IFT74: variants seen among roughly 807,000 people sequenced by gnomAD.
IFT74 encodes intraflagellar transport protein 74 homolog.
A neutral mutation model predicts 96.7 loss-of-function variants in IFT74; 92 were observed. That is an observed-to-expected ratio of 0.95 (90% CI 0.80 to 1.13). The LOEUF (loss-of-function observed/expected upper bound fraction) is 1.13, where lower values mean the gene tolerates loss of function less well. Among genes scored for constraint, IFT74 ranks in the 50% most tolerant of loss-of-function variants. IFT74 has a pLI of 0.00. For missense variants in IFT74, 811 were observed against 698.2 expected (o/e 1.16, Z -1.82); for synonymous variants, 223 against 213.2 (o/e 1.05, Z -0.40).
At chr9:26,981,097 T>C (rs1467500149) in intron 4 of IFT74, among the ~76,000 whole-genome samples, 1 of 152,174 alleles carries the variant, frequency 6.6e-6, no homozygotes, top group Non-Finnish European at 1.5e-5. Context: ...TCAACCCTTT[T>C]CTAAGGCACT....
intron 8 of IFT74, among the ~76,000 whole-genome samples, chr9:27,006,799 G>A (rs571909244): frequency 7.0e-6 from 1 of 142,414 alleles, no homozygotes; most frequent in South Asian, 2.3e-4. Context: ...ATTCTATTGA[G>A]TTTCAACGTT....
chr9:27,039,944 A>C (rs1042528621), intron 13 of IFT74, among the ~76,000 whole-genome samples: 2 of 152,208 alleles, frequency 1.3e-5, no homozygotes, highest in Non-Finnish European at 2.9e-5. Flanking sequence ...AAAAAGATGG[A>C]ATTTTATAGG....
intron 8 of IFT74, chr9:26,997,953 T>C: frequency 1.2e-6 from 2 of 1,613,928 alleles, no homozygotes; most frequent in Non-Finnish European, 1.7e-6. Flanking sequence ...TATAACTGTT[T>C]TAGTTTATTT....
chr9:27,063,899 AG>A lies in IFT74; in HGVS notation c.*1165del, dbSNP rs779153529. On this transcript the variant is annotated 3_prime_UTR_variant, in exon 20 of 20. Coordinates refer to ENST00000380062, the MANE Select transcript of IFT74 (RefSeq NM_025103.4). ...GGCTGAAGATCCTGGACATTCATTA[AG>A]GTAGCATTCATAAAATGTGTTCCAT... Among the ~76,000 whole-genome samples, 5 of 152,136 alleles carry A rather than the reference AG, an allele frequency of 3.3e-5. No individual in the cohort carries two copies. The highest frequency in any genetic ancestry group is 5.9e-5 in the Non-Finnish European group (4 of 67,972).
upstream of IFT74, among the ~76,000 whole-genome samples, chr9:26,954,011 C>A (rs1378354293): frequency 6.6e-6 from 1 of 152,198 alleles, no homozygotes; most frequent in East Asian, 1.9e-4. Context: ...CTCCCTCATT[C>A]TCCCTTTAAA....
intron 4 of IFT74, among the ~76,000 whole-genome samples, chr9:26,981,801 T>C (rs1827388972): frequency 6.6e-6 from 1 of 150,608 alleles, no homozygotes; most frequent in South Asian, 2.1e-4. Flanking sequence ...AGAGTCTCAC[T>C]CTGTCGCCCA....
intron 14 of IFT74, 52 bp downstream of exon 14, chr9:27,044,847 C>T: frequency 9.4e-7 from 1 of 1,061,040 alleles, no homozygotes; most frequent in Non-Finnish European, 1.4e-6. Flanking sequence ...GATTGCTGTT[C>T]ATTTATACCA....
At chr9:27,037,994 T>C (rs1292372436) in intron 13 of IFT74, among the ~76,000 whole-genome samples, 1 of 152,236 alleles carries the variant, frequency 6.6e-6, no homozygotes, top group Non-Finnish European at 1.5e-5. Flanking sequence ...AGCCATTTGA[T>C]CGAGGCATCA....
chr9:26,993,822 C>T (rs987893306), intron 8 of IFT74: 9 of 152,020 alleles, frequency 5.9e-5, no homozygotes, highest in African/African-American at 1.7e-4. Context: ...TTCCATTCCA[C>T]GTGTTATAAT....
At chr9:27,028,927 G>A (rs921025676) in intron 12 of IFT74, 98 bp from the exon 13 acceptor site, 1 of 1,058,884 alleles carries the variant, frequency 9.4e-7, no homozygotes, top group African/African-American at 1.6e-5. Flanking sequence ...TTTAGATATT[G>A]TTTATGCAAC....
intron 8 of IFT74, chr9:26,999,525 T>G (rs1205557674): frequency 2.0e-5 from 19 of 955,496 alleles, no homozygotes; most frequent in Non-Finnish European, 2.8e-5. Flanking sequence ...AGATTTTCTT[T>G]GCTTTCTTAT....
intron 8 of IFT74, chr9:26,995,421 A>G: frequency 1.5e-6 from 1 of 675,102 alleles, no homozygotes; most frequent in Non-Finnish European, 2.5e-6. Context: ...ATTAATATGA[A>G]TGCCTGCCAG....
intron 12 of IFT74, among the ~76,000 whole-genome samples, chr9:27,020,012 G>A (rs1049340953): frequency 6.8e-6 from 1 of 147,076 alleles, no homozygotes; most frequent in African/African-American, 2.5e-5. Context: ...GTCCCAGTTT[G>A]TCGCCCAGGC....
chr9:27,011,921 C>CACAG lies in IFT74; in HGVS notation c.743_744insCAGA (p.Gln248HisfsTer33). ...TTCCACTTAGGAATTAGATACACTT[C>CACAG]AACAACAATTGGATTCACAGAACAT... On this transcript the variant is annotated frameshift_variant, in exon 10 of 20. Transcript: ENST00000380062. LOFTEE classifies it high-confidence loss of function. 1 of 1,573,560 alleles carries CACAG rather than the reference C, an allele frequency of 6.4e-7. No individual in the cohort carries two copies. Among genetic ancestry groups the CACAG allele is most frequent in the Non-Finnish European group, 8.6e-7 (1 of 1,160,702 alleles).
intron 12 of IFT74, among the ~76,000 whole-genome samples, chr9:27,021,631 TGA>T (rs1343197391): frequency 6.6e-6 from 1 of 152,232 alleles, no homozygotes; most frequent in East Asian, 1.9e-4. Context: ...TATCTTCTTT[TGA>T]GAGTCATCTA....
At chr9:27,005,352 T>TCCCCCCCCCCCC (rs1443234170) in intron 8 of IFT74, among the ~76,000 whole-genome samples, 3 of 18,950 alleles carry the variant, frequency 1.6e-4, no homozygotes, top group East Asian at 4.7e-3. Flanking sequence ...TGAAACCATT[T>TCCCCCCCCCCCC]CCCCCCCCGC....
chr9:26,989,070 A>G lies in IFT74; in HGVS notation c.525+342A>G, dbSNP rs746413969. Among the ~76,000 whole-genome samples the G allele has an allele frequency of 2.0e-4, 31 of 152,216 alleles. 2 individuals carry two copies. Among genetic ancestry groups the G allele is most frequent in the Non-Finnish European group, 1.6e-4 (11 of 68,036 alleles). On this transcript the variant is annotated intron_variant, in intron 7 of 19. Transcript: ENST00000380062. Reference sequence around the variant, plus strand: ...AAGCACAAATGTTGATGAATACTCAATGTGACAAATGATAACTTTACATAG... The same window carrying G: ...AAGCACAAATGTTGATGAATACTCAGTGTGACAAATGATAACTTTACATAG...
chr9:26,974,340 A>G (rs543240140), intron 2 of IFT74, among the ~76,000 whole-genome samples: 1 of 152,274 alleles, frequency 6.6e-6, no homozygotes, highest in South Asian at 2.1e-4. Flanking sequence ...CTTTTTTGAA[A>G]TATCTAGTCA....
intron 17 of IFT74, 46 bp downstream of exon 17, chr9:27,055,818 T>A: frequency 7.9e-7 from 1 of 1,265,454 alleles, no homozygotes; most frequent in South Asian, 1.8e-5. Flanking sequence ...AGATTGTTTT[T>A]TTCTTGATCA....
Sources: gnomAD v4.1 joint callset for allele counts (sites outside exome capture counted in the v4.1 genomes callset) on GRCh38, gnomAD v4.1.1 for gene constraint, MANE v1.5 for transcripts, NCBI Gene and HGNC (gene_info 2026-07-23, HGNC 2026-07-21) for gene names.